Variants in SNTG1 observed in about 807,000 individuals in gnomAD.
SNTG1 encodes the protein gamma-1-syntrophin.
Under a neutral mutation model 74.7 loss-of-function variants are expected in SNTG1, and 39 were observed. The ratio of observed to expected loss-of-function variants is 0.52; its 90% confidence interval spans 0.40 to 0.68. The LOEUF (loss-of-function observed/expected upper bound fraction) is 0.68, where lower values mean the gene tolerates loss of function less well. Among genes scored for constraint, SNTG1 ranks in the 30% least tolerant of loss-of-function variants. SNTG1 has a pLI of 0.00. For missense variants in SNTG1, 685 were observed against 609.5 expected, an observed-to-expected ratio of 1.12 and a Z score of -1.30; for synonymous variants, 254 against 217.1, an observed-to-expected ratio of 1.17 and a Z score of -1.49.
intron 18 of SNTG1, among the ~76,000 whole-genome samples, chr8:50,792,463 C>T (rs929778799): frequency 1.5e-4 from 23 of 151,674 alleles, no homozygotes; most frequent in African/African-American, 5.3e-4. Flanking sequence ...GTCCTCCTAC[C>T]TCTTATCCAC....
intron 3 of SNTG1, among the ~76,000 whole-genome samples, chr8:50,396,187 G>A (rs2092726714): frequency 6.6e-6 from 1 of 152,194 alleles, no homozygotes; most frequent in African/African-American, 2.4e-5. Flanking sequence ...ACTGAAAAGA[G>A]TGACAACCTG....
intron 2 of SNTG1, among the ~76,000 whole-genome samples, chr8:50,234,814 C>A (rs1222752455): frequency 1.3e-5 from 2 of 151,918 alleles, no homozygotes; most frequent in Admixed American, 6.6e-5. Flanking sequence ...AAAAATGGTC[C>A]TTTGGATCTC....
intron 18 of SNTG1, among the ~76,000 whole-genome samples, chr8:50,786,878 A>C (rs2095676974): frequency 6.6e-6 from 1 of 151,974 alleles, no homozygotes; most frequent in African/African-American, 2.4e-5. Flanking sequence ...AAAACTGTAA[A>C]CCTATTTGAA....
intron 8 of SNTG1, among the ~76,000 whole-genome samples, chr8:50,458,646 ACAT>A (rs1166653384): frequency 6.6e-6 from 1 of 152,176 alleles, no homozygotes; most frequent in Admixed American, 6.5e-5. Context: ...AAAGCATTTT[ACAT>A]GTCTACACTT....
At chr8:50,514,370 TTC>T (rs576667292) in intron 9 of SNTG1, among the ~76,000 whole-genome samples, 112 of 152,306 alleles carry the variant, frequency 7.4e-4, no homozygotes, top group African/African-American at 2.5e-3. Context: ...TGATAAAATT[TTC>T]TCTCTTTGTA....
rs370688253 is a variant in SNTG1, at chr8:50,316,912, A to G, written c.-27-77300A>G. On this transcript the variant is annotated intron_variant, in intron 2 of 18. Transcript: ENST00000642720. Reference sequence around the variant, plus strand: ...AATGTTTAAAAAAATTTATAGAGATAGTACTTAATCTGCATTTTGAAGATA... The same window carrying G: ...AATGTTTAAAAAAATTTATAGAGATGGTACTTAATCTGCATTTTGAAGATA... Among the ~76,000 whole-genome samples the G allele has an allele frequency of 9.0e-4, 137 of 152,336 alleles. 1 individual carries two copies. The highest frequency in any genetic ancestry group is 2.9e-3 in the African/African-American group (119 of 41,580).
rs574972361 is a variant in SNTG1 at position 50,443,489 on chromosome 8, A to G, written c.219+4890A>G. 6.6e-5 allele frequency among the ~76,000 whole-genome samples: 10 copies of G among 152,250 alleles called. No homozygotes were observed. The East Asian group carries it at 9.7e-4, about 15-fold the overall frequency. On this transcript the variant is annotated intron_variant, in intron 5 of 18. Coordinates refer to ENST00000642720, the MANE Select transcript of SNTG1 (RefSeq NM_018967.5). The stretch of plus-strand genomic sequence containing the variant: ...ATTATAATCATTATTACTCTTAATC[A>G]TCTTCTCATTTCTAAATAATTGCTA...
At chr8:50,190,495 T>C (rs552509134) in intron 2 of SNTG1, among the ~76,000 whole-genome samples, 35 of 152,264 alleles carry the variant, frequency 2.3e-4, no homozygotes, top group Non-Finnish European at 4.6e-4. Context: ...ATAGCTCCAG[T>C]TGATTTAAAT....
chr8:49,997,435 C>T (rs1376983073), intron 1 of SNTG1, among the ~76,000 whole-genome samples: 3 of 152,080 alleles, frequency 2.0e-5, no homozygotes, highest in Non-Finnish European at 4.4e-5. Context: ...TTTCTCTGCT[C>T]CCTTAACTCA....
At chr8:50,725,868 G>C (rs1231854687) in intron 17 of SNTG1, among the ~76,000 whole-genome samples, 1 of 152,150 alleles carries the variant, frequency 6.6e-6, no homozygotes, top group Non-Finnish European at 1.5e-5. Flanking sequence ...ACAAAGCCTT[G>C]TGCCGATGCT....
At chr8:50,291,922 G>A (rs2089133961) in intron 2 of SNTG1, among the ~76,000 whole-genome samples, 3 of 152,100 alleles carry the variant, frequency 2.0e-5, no homozygotes, top group Non-Finnish European at 2.9e-5. Flanking sequence ...TTGTTTTGGA[G>A]TGTCCAATGG....
intron 2 of SNTG1, among the ~76,000 whole-genome samples, chr8:50,195,508 C>T (rs1252373330): frequency 1.3e-5 from 2 of 152,172 alleles, no homozygotes; most frequent in East Asian, 3.9e-4. Context: ...AGATTTCCTT[C>T]TCCCTGTGGA....
intron 1 of SNTG1, among the ~76,000 whole-genome samples, chr8:50,104,111 G>GATT (rs1258183304): frequency 6.6e-6 from 1 of 152,104 alleles, no homozygotes; most frequent in African/African-American, 2.4e-5. Context: ...TTTTTCTATT[G>GATT]ATTGGAATAG....
chr8:50,728,328 TTGA>T (rs1362330747), intron 17 of SNTG1, among the ~76,000 whole-genome samples: 3 of 152,186 alleles, frequency 2.0e-5, no homozygotes, highest in African/African-American at 7.2e-5. Flanking sequence ...ACTAGGTGTC[TTGA>T]TGATGCTCCA....
At chr8:50,370,305 C>A (rs539255907) in intron 2 of SNTG1, among the ~76,000 whole-genome samples, 59 of 152,260 alleles carry the variant, frequency 3.9e-4, no homozygotes, top group African/African-American at 1.3e-3. Flanking sequence ...CTGCGACTGG[C>A]TGAATCAAAA....
intron 2 of SNTG1, among the ~76,000 whole-genome samples, chr8:50,183,260 G>A (rs1242568642): frequency 6.6e-6 from 1 of 152,124 alleles, no homozygotes; most frequent in Non-Finnish European, 1.5e-5. Context: ...ATTTCTGTAA[G>A]TCTTACGCTT....
chr8:50,755,068 G>C (rs2095576920), intron 18 of SNTG1, among the ~76,000 whole-genome samples: 1 of 151,636 alleles, frequency 6.6e-6, no homozygotes, highest in Admixed American at 6.6e-5. Flanking sequence ...CCCCACCAGA[G>C]GGGGGGATGA....
chr8:50,536,848 A>C, intron 11 of SNTG1, 40 bp downstream of exon 11: 1 of 1,604,232 alleles, frequency 6.2e-7, no homozygotes. Context: ...TTTGTTTATG[A>C]AAAAAGAGAC....
At chr8:50,232,257 C>G (rs1333259372) in intron 2 of SNTG1, among the ~76,000 whole-genome samples, 1 of 151,166 alleles carries the variant, frequency 6.6e-6, no homozygotes, top group Non-Finnish European at 1.5e-5. Context: ...ACACTGTGAC[C>G]AAGGGGTCTT....
Sources: allele counts gnomAD v4.1 joint callset (sites outside exome capture counted in the v4.1 genomes callset), GRCh38; gene constraint gnomAD v4.1.1; transcripts MANE v1.5; gene names NCBI Gene and HGNC (gene_info 2026-07-23, HGNC 2026-07-21).